Variants in NEK5 observed in about 807,000 individuals in gnomAD.
The protein encoded by NEK5 is NIMA related kinase 5.
NEK5 carries 88 observed loss-of-function variants against 109.2 expected under a neutral mutation model. That is an observed-to-expected ratio of 0.81 (90% CI 0.68 to 0.96). The LOEUF is 0.96. Among genes scored for constraint, NEK5 ranks in the 40% least tolerant of loss-of-function variants. NEK5 has a pLI of 0.00. For missense variants in NEK5, 834 were observed against 920.7 expected, an observed-to-expected ratio of 0.91 and a Z score of 1.22; for synonymous variants, 283 against 299.9, an observed-to-expected ratio of 0.94 and a Z score of 0.58.
intron 20 of NEK5, among the ~76,000 whole-genome samples, chr13:52,069,584 A>G (rs1168905802): frequency 2.0e-5 from 3 of 152,234 alleles, no homozygotes; most frequent in Admixed American, 1.3e-4. Context: ...TTCCAAATTT[A>G]GATCACTACC....
At chr13:52,080,812 C>A (rs1469538154) in intron 17 of NEK5, among the ~76,000 whole-genome samples, 1 of 151,518 alleles carries the variant, frequency 6.6e-6, no homozygotes, top group Admixed American at 6.6e-5. Context: ...ACTTGTTTGT[C>A]TGCTGACCTT....
At chr13:52,073,420 A>T (rs1954813857) in intron 19 of NEK5, among the ~76,000 whole-genome samples, 2 of 151,156 alleles carry the variant, frequency 1.3e-5, no homozygotes, top group Admixed American at 1.3e-4. Context: ...GGTTCAAGTG[A>T]TTCTCCTGCC....
Position 52,101,983 on chromosome 13 carries a change from AT to A in NEK5, c.841del (p.Ile281TyrfsTer24). 1 of 1,614,204 alleles carries A rather than the reference AT, an allele frequency of 6.2e-7. No homozygotes were observed. The highest frequency in any genetic ancestry group is 8.5e-7 in the Non-Finnish European group (1 of 1,180,036). ...AGAAGCTGGCGCTCCTGCTCTGCAT[AT>A]AAGCATGTGACTGAATTCTTCCTGA... ...VIQEEFSHML[I>X]CRAGAPASRH... On this transcript the variant is annotated frameshift_variant, in exon 11 of 24. Coordinates refer to ENST00000684899, the MANE Select transcript of NEK5 (RefSeq NM_001365552.1). LOFTEE classifies it high-confidence loss of function.
At chr13:52,090,406 T>A (rs1009016951) in intron 13 of NEK5, among the ~76,000 whole-genome samples, 6 of 152,206 alleles carry the variant, frequency 3.9e-5, no homozygotes, top group African/African-American at 1.2e-4. Context: ...AGAGGCAAGT[T>A]AATAATCAGG....
At chr13:52,078,035 T>C (rs1954899885) in intron 17 of NEK5, among the ~76,000 whole-genome samples, 1 of 151,752 alleles carries the variant, frequency 6.6e-6, no homozygotes, top group Non-Finnish European at 1.5e-5. Context: ...GATTGTGCCA[T>C]TGCACTCCAG....
At chr13:52,079,352 C>T (rs893837852) in intron 17 of NEK5, among the ~76,000 whole-genome samples, 15 of 152,016 alleles carry the variant, frequency 9.9e-5, no homozygotes, top group South Asian at 4.2e-4. Flanking sequence ...GATGCCGAGC[C>T]GAAGCTGGAC....
intron 12 of NEK5, 102 bp from the exon 13 acceptor site, chr13:52,093,337 A>T: frequency 2.6e-6 from 2 of 777,328 alleles, no homozygotes; most frequent in Non-Finnish European, 4.2e-6. Flanking sequence ...AGGCGGGTGG[A>T]TCACCTGAGG....
chr13:52,076,594 GA>G, intron 17 of NEK5, among the ~76,000 whole-genome samples: 1 of 152,342 alleles, frequency 6.6e-6, no homozygotes, highest in Middle Eastern at 3.4e-3. Flanking sequence ...ACTGAGATGT[GA>G]ACTCCATATT....
chr13:52,101,717 C>T (rs1438440681), intron 11 of NEK5, among the ~76,000 whole-genome samples: 1 of 152,138 alleles, frequency 6.6e-6, no homozygotes, highest in South Asian at 2.1e-4. Context: ...TCCTGACTAA[C>T]GAGAAGGAAC....
chr13:52,082,847 C>CT (rs1395956674), intron 17 of NEK5, among the ~76,000 whole-genome samples: 1 of 152,158 alleles, frequency 6.6e-6, no homozygotes, highest in African/African-American at 2.4e-5. Context: ...AGAGAGGCAT[C>CT]TGAGTTTTTA....
intron 8 of NEK5, among the ~76,000 whole-genome samples, chr13:52,106,339 C>T (rs552689742): frequency 1.3e-5 from 2 of 152,306 alleles, no homozygotes; most frequent in Admixed American, 6.5e-5. Context: ...GGACAATTAA[C>T]TTCCAAAGGG....
intron 8 of NEK5, among the ~76,000 whole-genome samples, chr13:52,105,299 CT>C (rs1955629533): frequency 6.6e-6 from 1 of 151,200 alleles, no homozygotes; most frequent in Admixed American, 6.6e-5. Flanking sequence ...GAGAGATAGA[CT>C]CATACTAAAA....
intron 4 of NEK5, among the ~76,000 whole-genome samples, chr13:52,114,600 A>C (rs1955816143): frequency 6.6e-6 from 1 of 152,216 alleles, no homozygotes; most frequent in African/African-American, 2.4e-5. Context: ...CATCCATTCT[A>C]CTGTTAAGGA....
At chr13:52,115,342 T>C (rs1210609644) in intron 4 of NEK5, among the ~76,000 whole-genome samples, 2 of 151,514 alleles carry the variant, frequency 1.3e-5, no homozygotes, top group Non-Finnish European at 2.9e-5. Context: ...CAGTGGCTCA[T>C]GCCTGTAATC....
At chr13:52,070,481 A>T (rs1371822300) in intron 20 of NEK5, among the ~76,000 whole-genome samples, 2 of 152,168 alleles carry the variant, frequency 1.3e-5, no homozygotes, top group Non-Finnish European at 1.5e-5. Context: ...GATCTTTCCC[A>T]TGCTGTTCTC....
At chr13:52,126,341 C>T (rs1183902452) in intron 3 of NEK5, among the ~76,000 whole-genome samples, 3 of 152,152 alleles carry the variant, frequency 2.0e-5, no homozygotes, top group Non-Finnish European at 4.4e-5. Context: ...TATAGTTTTT[C>T]TCTATTCATT....
intron 11 of NEK5, among the ~76,000 whole-genome samples, chr13:52,101,485 T>G (rs1237588050): frequency 6.6e-6 from 1 of 152,224 alleles, no homozygotes; most frequent in South Asian, 2.1e-4. Context: ...CAGTTCTTAC[T>G]GTTATCAATT....
chr13:52,084,064 T>C (rs529164951), intron 16 of NEK5, among the ~76,000 whole-genome samples: 4 of 152,294 alleles, frequency 2.6e-5, no homozygotes, highest in Admixed American at 6.5e-5. Context: ...TTCCACTCTT[T>C]AGGCCCCACC....
At chr13:52,045,395 G>A (rs1002692919) in intron 23 of NEK5, among the ~76,000 whole-genome samples, 1 of 150,440 alleles carries the variant, frequency 6.6e-6, no homozygotes, top group Non-Finnish European at 1.5e-5. Context: ...CTCCCAAAGT[G>A]CTGCCGCGCC....
Sources: gnomAD v4.1 joint callset for allele counts (sites outside exome capture counted in the v4.1 genomes callset) on GRCh38, gnomAD v4.1.1 for gene constraint, MANE v1.5 for transcripts, NCBI Gene and HGNC (gene_info 2026-07-23, HGNC 2026-07-21) for gene names.